TRANK1: variants seen among roughly 807,000 people sequenced by gnomAD.
TRANK1 encodes TPR and ankyrin repeat-containing protein 1.
In TRANK1, 198 loss-of-function variants were observed where a neutral mutation model predicts 266.0. The observed-to-expected ratio is 0.74, with a 90% confidence interval of 0.66 to 0.84. TRANK1 has a LOEUF of 0.84. TRANK1 is among the 40% of genes least tolerant of loss of function. The probability of loss-of-function intolerance (pLI) is 0.00; values close to 1 mark genes in which losing one functional copy is unlikely to be tolerated. For synonymous variants in TRANK1, 1,396 were observed against 1,384.1 expected (o/e 1.01, Z -0.19); for missense variants, 3,326 against 3,634.6 (o/e 0.92, Z 2.18).
rs1474691985 is a variant in TRANK1 at position 36,838,569 on chromosome 3, C to T, written c.5384+44G>A. Reference sequence around the variant, plus strand: ...TGACCCTACACCAATATTTAACCTGCTACTCCCATCGGAGCAAACCAGAAG... The same window carrying T: ...TGACCCTACACCAATATTTAACCTGTTACTCCCATCGGAGCAAACCAGAAG... On this transcript the variant is annotated intron_variant, in intron 19 of 23. Coordinates refer to ENST00000645898, the MANE Select transcript of TRANK1 (RefSeq NM_001329998.2). The T allele has an allele frequency of 3.7e-6, 6 of 1,613,770 alleles. No individual in the cohort carries two copies. In the Admixed American group the frequency reaches 8.3e-5, roughly 22 times the overall value.
At chr3:36,878,488 A>G (rs1327532799) in intron 8 of TRANK1, among the ~76,000 whole-genome samples, 1 of 152,206 alleles carries the variant, frequency 6.6e-6, no homozygotes. Context: ...TCCATGAATC[A>G]TGACCTTTAG....
At chr3:36,874,406 C>T (rs2079355845) in intron 8 of TRANK1, 110 bp from the exon 9 acceptor site, 2 of 1,200,984 alleles carry the variant, frequency 1.7e-6, no homozygotes, top group Non-Finnish European at 1.1e-6. Flanking sequence ...GGCAAGAGGA[C>T]TAGGGTCTTC....
intron 1 of TRANK1, among the ~76,000 whole-genome samples, chr3:36,920,998 C>A (rs1486899438): frequency 1.3e-5 from 2 of 152,154 alleles, no homozygotes; most frequent in Non-Finnish European, 2.9e-5. Flanking sequence ...AGTAAACAAC[C>A]TTTTCCACCA....
intron 23 of TRANK1, among the ~76,000 whole-genome samples, 186 bp from the exon 24 acceptor site, chr3:36,828,561 C>T (rs942732593): frequency 1.3e-5 from 2 of 151,990 alleles, no homozygotes; most frequent in African/African-American, 2.4e-5. Context: ...CTAGTGTCTC[C>T]GTAATCATTG....
chr3:36,905,790 C>G (rs185613561), intron 2 of TRANK1, among the ~76,000 whole-genome samples: 1 of 152,186 alleles, frequency 6.6e-6, no homozygotes, highest in Non-Finnish European at 1.5e-5. Flanking sequence ...TTGGTTTAGA[C>G]ACCATCCCTG....
intron 11 of TRANK1, among the ~76,000 whole-genome samples, 194 bp downstream of exon 11, chr3:36,860,712 A>G (rs1323029577): frequency 6.6e-6 from 1 of 152,242 alleles, no homozygotes; most frequent in Admixed American, 6.5e-5. Flanking sequence ...ACAAAAATGC[A>G]GAGATCCTCA....
At chr3:36,892,702 C>T (rs2079719204) in intron 6 of TRANK1, among the ~76,000 whole-genome samples, 199 bp downstream of exon 6, 3 of 152,026 alleles carry the variant, frequency 2.0e-5, no homozygotes, top group East Asian at 1.9e-4. Flanking sequence ...CTGTGGTAGG[C>T]GCCTGTAATC....
chr3:36,905,387 G>T (rs1484659959), intron 2 of TRANK1, among the ~76,000 whole-genome samples: 2 of 152,090 alleles, frequency 1.3e-5, no homozygotes, highest in East Asian at 3.9e-4. Flanking sequence ...TTTAGCTGAG[G>T]TCATGAGGGT....
intron 18 of TRANK1, among the ~76,000 whole-genome samples, chr3:36,840,480 C>T (rs879782757): frequency 6.6e-6 from 1 of 152,196 alleles, no homozygotes; most frequent in Non-Finnish European, 1.5e-5. Context: ...TGTATCTGTC[C>T]ACACCCCCTT....
At chr3:36,929,679 C>T (rs1424055118) in intron 1 of TRANK1, among the ~76,000 whole-genome samples, 8 of 152,212 alleles carry the variant, frequency 5.3e-5, no homozygotes, top group Non-Finnish European at 1.2e-4. Flanking sequence ...ATCCAGATCC[C>T]TATCCCCAGA....
At chr3:36,898,610 G>A (rs1232184539) in intron 4 of TRANK1, among the ~76,000 whole-genome samples, 2 of 152,074 alleles carry the variant, frequency 1.3e-5, no homozygotes, top group African/African-American at 2.4e-5. Context: ...CTAGCACTTT[G>A]GGAGGCCAAG....
rs1189052658 is a variant in TRANK1 at position 36,861,060 on chromosome 3, C to T, written c.1341G>A (p.Leu447=). Residue 447 remains leucine (L), a synonymous_variant, in exon 11 of 24, where the codon CTG becomes CTA. Coordinates refer to ENST00000645898, the MANE Select transcript of TRANK1 (RefSeq NM_001329998.2). ...EKQRWPEVLL[L]LTRKVSGEPP... is the part of the protein sequence containing the mutation. Reference sequence around the variant, plus strand: ...GTTCTCCACTTACTTTGCGGGTCAGCAGCAGAAGCACCTCAGGCCATCTCT... The same window carrying T: ...GTTCTCCACTTACTTTGCGGGTCAGTAGCAGAAGCACCTCAGGCCATCTCT... 1 of 1,537,798 alleles carries T rather than the reference C, an allele frequency of 6.5e-7. No homozygotes were observed. The highest frequency in any genetic ancestry group is 2.4e-5 in the East Asian group (1 of 40,924).
intron 1 of TRANK1, among the ~76,000 whole-genome samples, chr3:36,943,279 C>A (rs907094525): frequency 1.3e-5 from 2 of 151,990 alleles, no homozygotes; most frequent in Non-Finnish European, 2.9e-5. Flanking sequence ...GCTCTTGCTG[C>A]AATTTTACAT....
rs909488459 is a variant in TRANK1 at position 36,944,482 on chromosome 3, C to T, written c.23+305G>A. Among the ~76,000 whole-genome samples, 3 of 152,224 alleles carry T rather than the reference C, an allele frequency of 2.0e-5. No homozygotes were observed. The East Asian group carries it at 5.8e-4, about 29-fold the overall frequency. On this transcript the variant is annotated intron_variant, in intron 1 of 23. Coordinates refer to ENST00000645898, the MANE Select transcript of TRANK1 (RefSeq NM_001329998.2). ...GAACCCCTGAGGATGCGGAGGTGGG[C>T]CCGAGAGCTGCGGCTTCGATGCCGG...
intron 7 of TRANK1, among the ~76,000 whole-genome samples, chr3:36,891,973 A>G (rs926267728): frequency 3.3e-5 from 5 of 152,190 alleles, no homozygotes; most frequent in African/African-American, 1.2e-4. Flanking sequence ...GGATCTGCCT[A>G]GAGTCACAGA....
At chr3:36,885,255 C>A (rs1158568621) in intron 8 of TRANK1, among the ~76,000 whole-genome samples, 1 of 152,180 alleles carries the variant, frequency 6.6e-6, no homozygotes, top group African/African-American at 2.4e-5. Flanking sequence ...CCCCTTGGTA[C>A]GATTCACTGA....
intron 9 of TRANK1, among the ~76,000 whole-genome samples, chr3:36,873,857 GA>G (rs60007212): frequency 0.29 from 39,701 of 138,968 alleles, 5,813 homozygotes; most frequent in East Asian, 0.58. Context: ...ACATGCATGG[GA>G]AAAAAAAAAA....
intron 21 of TRANK1, 107 bp downstream of exon 21, chr3:36,834,655 T>C: frequency 7.6e-7 from 1 of 1,319,586 alleles, no homozygotes; most frequent in Non-Finnish European, 1.0e-6. Flanking sequence ...GGGAGCAATG[T>C]GGTCAAACCA....
intron 1 of TRANK1, among the ~76,000 whole-genome samples, chr3:36,927,743 A>C (rs1395369125): frequency 6.6e-6 from 1 of 152,204 alleles, no homozygotes; most frequent in Non-Finnish European, 1.5e-5. Context: ...TCCACATAGA[A>C]TAATAAGCCA....
Sources: allele counts gnomAD v4.1 joint callset (sites outside exome capture counted in the v4.1 genomes callset), GRCh38; gene constraint gnomAD v4.1.1; transcripts MANE v1.5; gene names NCBI Gene and HGNC (gene_info 2026-07-23, HGNC 2026-07-21).